The following DIS3L2 variants were observed in gnomAD, a reference collection of about 807,000 sequenced individuals.
DIS3L2 encodes DIS3-like exonuclease 2.
Under a neutral mutation model 97.5 loss-of-function variants are expected in DIS3L2, and 34 were observed. The observed-to-expected ratio is 0.35, with a 90% CI of 0.27 to 0.46. The LOEUF (loss-of-function observed/expected upper bound fraction) is 0.46, where lower values mean the gene tolerates loss of function less well. Ranked by LOEUF, DIS3L2 falls within the 20% of genes least tolerant of loss-of-function variation. The pLI, the probability that DIS3L2 is intolerant of heterozygous loss-of-function variation, is 1.00. For synonymous variants in DIS3L2, 435 were observed against 445.2 expected (o/e 0.98, Z 0.29); for missense variants, 1,038 against 1,146.0 (o/e 0.91, Z 1.36).
intron 5 of DIS3L2, among the ~76,000 whole-genome samples, chr2:232,086,634 T>TATATATATGTGTGTATATATATATACAC (rs1559613412): frequency 1.4e-4 from 9 of 63,788 alleles, no homozygotes; most frequent in East Asian, 6.0e-4. Flanking sequence ...TATATACACA[T>TATATATATGTGTGTATATATATATACAC]ATATATATAT....
rs1368813682 is a variant in DIS3L2 at position 232,325,303 on chromosome 2, T to C, written c.1740-4510T>C. ...CCTGTCGTAAACGCATGAAGAGCCC[T>C]GCGTTTCATATATTGATGTTGTTGC... On this transcript the variant is annotated intron_variant, in intron 14 of 20. Coordinates refer to ENST00000325385, the MANE Select transcript of DIS3L2 (RefSeq NM_152383.5). This position sits in a 1 kb window ranked among gnomAD's most constrained non-coding sequence, Gnocchi z 4.6. Among the ~76,000 whole-genome samples, 1 of 152,204 alleles carries C rather than the reference T, an allele frequency of 6.6e-6. No individual in the cohort carries two copies. The highest frequency in any genetic ancestry group is 1.5e-5 in the Non-Finnish European group (1 of 68,034).
At chr2:232,214,233 T>C (rs536634980) in intron 10 of DIS3L2, among the ~76,000 whole-genome samples, 44 of 152,330 alleles carry the variant, frequency 2.9e-4, no homozygotes, top group African/African-American at 8.7e-4. Context: ...AATGCCACAG[T>C]TGTCAGATCA....
At chr2:232,086,654 T>TATATACAC (rs1559613560) in intron 5 of DIS3L2, among the ~76,000 whole-genome samples, 34 of 51,346 alleles carry the variant, frequency 6.6e-4, no homozygotes, top group Non-Finnish European at 9.7e-4. Flanking sequence ...TGTATATATA[T>TATATACAC]ATATATGTGT....
At chr2:232,329,690 G>T in intron 14 of DIS3L2, 123 bp from the exon 15 acceptor site, 1 of 1,000,268 alleles carries the variant, frequency 1.0e-6, no homozygotes, top group Non-Finnish European at 1.4e-6. Flanking sequence ...TAGCTGGGAG[G>T]TTGTCTTTAA....
chr2:232,229,185 CT>C (rs1014584644), intron 10 of DIS3L2, among the ~76,000 whole-genome samples: 3 of 151,340 alleles, frequency 2.0e-5, no homozygotes, highest in South Asian at 2.1e-4. Context: ...TGCCTCTTCT[CT>C]TTTTTTTTGG....
chr2:232,099,474 C>A (rs1697131142), intron 6 of DIS3L2, among the ~76,000 whole-genome samples: 1 of 152,090 alleles, frequency 6.6e-6, no homozygotes, highest in African/African-American at 2.4e-5. Context: ...CTCAGCCTCC[C>A]AAAGTGCTGG....
At chr2:232,089,722 T>G (rs1210126189) in intron 6 of DIS3L2, among the ~76,000 whole-genome samples, 2 of 152,206 alleles carry the variant, frequency 1.3e-5, no homozygotes, top group Admixed American at 1.3e-4. Context: ...CCTCTTTTCC[T>G]CTGGGCTCCA....
chr2:231,971,735 C>A (rs1029750263), intron 1 of DIS3L2, among the ~76,000 whole-genome samples: 1 of 151,816 alleles, frequency 6.6e-6, no homozygotes, highest in Non-Finnish European at 1.5e-5. Flanking sequence ...CGTGAGCCAC[C>A]GCACCCTGCC....
intron 14 of DIS3L2, among the ~76,000 whole-genome samples, chr2:232,304,094 C>A (rs1181394604): frequency 6.6e-6 from 1 of 152,044 alleles, no homozygotes; most frequent in Non-Finnish European, 1.5e-5. Context: ...CTGCTCCAGT[C>A]TGCATCTGGA....
chr2:232,278,572 A>G (rs958058959), intron 13 of DIS3L2, among the ~76,000 whole-genome samples: 6 of 152,150 alleles, frequency 3.9e-5, no homozygotes, highest in East Asian at 1.9e-4. Context: ...CGTTGGTAGC[A>G]TTTTAAGTCT....
chr2:232,158,924 A>C (rs1318266687), intron 8 of DIS3L2, among the ~76,000 whole-genome samples: 1 of 152,150 alleles, frequency 6.6e-6, no homozygotes, highest in Non-Finnish European at 1.5e-5. Flanking sequence ...CATTGTTATA[A>C]GTATTCGTCT....
At chr2:232,081,562 T>C (rs1383082300) in intron 5 of DIS3L2, among the ~76,000 whole-genome samples, 1 of 152,200 alleles carries the variant, frequency 6.6e-6, no homozygotes, top group African/African-American at 2.4e-5. Flanking sequence ...AATTACTTGG[T>C]TACCTTGAGG....
At chr2:232,006,555 CAT>C (rs1251070172) in intron 1 of DIS3L2, among the ~76,000 whole-genome samples, 33 of 152,196 alleles carry the variant, frequency 2.2e-4, no homozygotes, top group African/African-American at 7.5e-4. Flanking sequence ...GAATTAGAAA[CAT>C]GTGGCATTCA....
intron 5 of DIS3L2, among the ~76,000 whole-genome samples, chr2:232,068,905 C>T (rs1461418385): frequency 2.0e-5 from 3 of 151,198 alleles, no homozygotes. Flanking sequence ...CAACCTTTGC[C>T]TCCCGGGTTC....
At chr2:232,196,526 C>T (rs1691762129) in intron 9 of DIS3L2, among the ~76,000 whole-genome samples, 1 of 152,048 alleles carries the variant, frequency 6.6e-6, no homozygotes, top group African/African-American at 2.4e-5. Flanking sequence ...CAGGCAGTTC[C>T]TTTGCCTCCA....
chr2:232,270,845 C>T (rs941608043), intron 13 of DIS3L2, among the ~76,000 whole-genome samples: 18 of 150,884 alleles, frequency 1.2e-4, no homozygotes, highest in Non-Finnish European at 1.6e-4. Context: ...CGCACTCGCG[C>T]GCTCTCTTTT....
intron 11 of DIS3L2, among the ~76,000 whole-genome samples, chr2:232,244,380 T>A (rs1324388204): frequency 6.6e-6 from 1 of 152,194 alleles, no homozygotes; most frequent in Non-Finnish European, 1.5e-5. Flanking sequence ...CTTCCTTGCT[T>A]ATTTAACTTG....
intron 6 of DIS3L2, among the ~76,000 whole-genome samples, chr2:232,117,200 T>C (rs1279942434): frequency 6.6e-6 from 1 of 152,110 alleles, no homozygotes; most frequent in Non-Finnish European, 1.5e-5. Context: ...GGGGCCAGGA[T>C]CCAAACCTGC....
intron 8 of DIS3L2, among the ~76,000 whole-genome samples, chr2:232,159,375 T>C (rs551795186): frequency 1.3e-5 from 2 of 152,218 alleles, no homozygotes; most frequent in Non-Finnish European, 2.9e-5. Flanking sequence ...CATGAGTGAA[T>C]CCTAAGCAGC....
Sources: gnomAD v4.1 joint callset for allele counts (sites outside exome capture counted in the v4.1 genomes callset) on GRCh38, gnomAD v4.1.1 for gene constraint, Gnocchi (gnomAD v3.1) non-coding constraint, MANE v1.5 for transcripts, NCBI Gene and HGNC (gene_info 2026-07-23, HGNC 2026-07-21) for gene names.